The following HEATR4 variants were observed in gnomAD, a reference collection of about 807,000 sequenced individuals.
HEATR4 encodes HEAT repeat-containing protein 4.
HEATR4 carries 95 observed loss-of-function variants against 108.8 expected under a neutral mutation model. The ratio of observed to expected loss-of-function variants is 0.87; its 90% confidence interval spans 0.74 to 1.04. HEATR4 has a LOEUF of 1.04. HEATR4 is among the 50% of genes least tolerant of loss of function. HEATR4 has a pLI of 0.00. For synonymous variants in HEATR4, 443 were observed against 459.4 expected (o/e 0.96, Z 0.46); for missense variants, 1,152 against 1,253.8 (o/e 0.92, Z 1.23).
the HEATR4 span, among the ~76,000 whole-genome samples, chr14:73,588,575 T>TG: frequency 1.1e-4 from 16 of 152,176 alleles, no homozygotes; most frequent in Non-Finnish European, 2.2e-4. Context: ...ATATGTGACT[T>TG]GGACCTTTCT....
chr14:73,576,825 A>G, the HEATR4 span, among the ~76,000 whole-genome samples: 1 of 148,274 alleles, frequency 6.7e-6, no homozygotes, highest in Non-Finnish European at 1.5e-5. Flanking sequence ...AAAAAAGACA[A>G]TATTTATATC....
chr14:73,573,757 T>C, the HEATR4 span, among the ~76,000 whole-genome samples: 21,637 of 151,504 alleles, frequency 0.14, 2,331 homozygotes, highest in Non-Finnish European at 0.22. Context: ...AGATGGAGTC[T>C]CACTCTGTTG....
At chr14:73,480,511 T>C (rs1885207717) in intron 17 of HEATR4, among the ~76,000 whole-genome samples, 1 of 152,082 alleles carries the variant, frequency 6.6e-6, no homozygotes, top group Non-Finnish European at 1.5e-5. Context: ...TTTATTCTTA[T>C]ATTTGTTATA....
the HEATR4 span, chr14:73,569,977 C>CT: frequency 6.9e-7 from 1 of 1,459,314 alleles, no homozygotes; most frequent in Non-Finnish European, 9.0e-7. Context: ...TATGCCCCCC[C>CT]GCCGCGCCCC....
upstream of HEATR4, among the ~76,000 whole-genome samples, chr14:73,559,385 CT>C (rs368818127): frequency 6.6e-6 from 1 of 151,832 alleles, no homozygotes; most frequent in East Asian, 2.0e-4. Flanking sequence ...TCCCAAAGTG[CT>C]GGGATTTGCA....
At chr14:73,491,778 A>G (rs1188339428) in intron 17 of HEATR4, 1 of 1,576,538 alleles carries the variant, frequency 6.3e-7, no homozygotes, top group Non-Finnish European at 8.6e-7. Flanking sequence ...CTGCGCAACG[A>G]GGAGGTGCAG....
chr14:73,601,393 A>G, the HEATR4 span, among the ~76,000 whole-genome samples: 6 of 152,056 alleles, frequency 3.9e-5, no homozygotes. Context: ...GTGAAACCCT[A>G]TCTCTACTAA....
At chr14:73,604,734 A>G in the HEATR4 span, among the ~76,000 whole-genome samples, 4 of 151,938 alleles carry the variant, frequency 2.6e-5, no homozygotes, top group South Asian at 6.2e-4. Context: ...ATGATCCACC[A>G]GCCTTGGCCT....
At chr14:73,607,759 G>T in the HEATR4 span, among the ~76,000 whole-genome samples, 1 of 151,984 alleles carries the variant, frequency 6.6e-6, no homozygotes, top group Non-Finnish European at 1.5e-5. Flanking sequence ...AAGTAGCTGG[G>T]ATTACAGGCA....
chr14:73,574,418 C>G, the HEATR4 span: 1 of 242,822 alleles, frequency 4.1e-6, no homozygotes, highest in African/African-American at 2.3e-5. Flanking sequence ...GCACGTGCCA[C>G]TACTGCCCGG....
chr14:73,588,460 G>T, the HEATR4 span, among the ~76,000 whole-genome samples: 1 of 152,124 alleles, frequency 6.6e-6, no homozygotes, highest in East Asian at 1.9e-4. Context: ...CTCTCCCCCT[G>T]CAGCTATGGG....
chr14:73,587,750 C>T, the HEATR4 span, among the ~76,000 whole-genome samples: 1 of 152,146 alleles, frequency 6.6e-6, no homozygotes, highest in African/African-American at 2.4e-5. Flanking sequence ...ATTTATCTCC[C>T]CTGACTTGTT....
At chr14:73,631,103 CAT>C in the HEATR4 span, among the ~76,000 whole-genome samples, 1 of 152,122 alleles carries the variant, frequency 6.6e-6, no homozygotes, top group African/African-American at 2.4e-5. Context: ...AAATATGACA[CAT>C]GACAATTATT....
At chr14:73,603,563 C>T in the HEATR4 span, among the ~76,000 whole-genome samples, 2 of 152,006 alleles carry the variant, frequency 1.3e-5, no homozygotes, top group Non-Finnish European at 2.9e-5. Context: ...CCATGTTAGC[C>T]AGGATGGTCT....
upstream of HEATR4, among the ~76,000 whole-genome samples, chr14:73,563,236 G>A (rs566236721): frequency 3.7e-4 from 56 of 152,040 alleles, no homozygotes; most frequent in African/African-American, 9.2e-4. Flanking sequence ...AGGAACCTAC[G>A]TTGAAATATT....
intron 2 of HEATR4, among the ~76,000 whole-genome samples, chr14:73,528,031 C>T (rs35067250): frequency 0.28 from 41,297 of 147,764 alleles, 5,967 homozygotes; most frequent in Admixed American, 0.34. Flanking sequence ...TAGCCTGTGA[C>T]GTAAAGAATC....
chr14:73,573,286 G>A, the HEATR4 span: 5 of 1,528,756 alleles, frequency 3.3e-6, no homozygotes, highest in Admixed American at 8.4e-5. Context: ...ACCTAGGAGT[G>A]GGATTGCTGG....
chr14:73,535,978 G>A lies in HEATR4; in HGVS notation c.-151-5734C>T, dbSNP rs754656627. ...TAATTTACTACTACGGTTCTTGTAAGTATTAACAATTAGCTACTATTATTT... is the reference window on the plus strand; with the variant it reads ...TAATTTACTACTACGGTTCTTGTAAATATTAACAATTAGCTACTATTATTT... On this transcript the variant is annotated intron_variant, in intron 1 of 17. Coordinates refer to ENST00000553558, the MANE Select transcript of HEATR4 (RefSeq NM_001220484.1). Among the ~76,000 whole-genome samples the A allele has an allele frequency of 1.9e-4, 22 of 115,776 alleles. 6 individuals carry two copies. The highest frequency in any genetic ancestry group is 4.1e-4 in the Non-Finnish European group (22 of 53,184). 76.0% of individuals were successfully genotyped at this position (115,776 alleles called of 152,430 possible).
intron 1 of HEATR4, among the ~76,000 whole-genome samples, chr14:73,549,018 T>C (rs193223313): frequency 3.6e-5 from 4 of 112,476 alleles, no homozygotes; most frequent in Non-Finnish European, 7.7e-5. Flanking sequence ...AAATGTCTTA[T>C]ACCGGGTAAT....
Sources: gnomAD v4.1 joint callset for allele counts (sites outside exome capture counted in the v4.1 genomes callset) on GRCh38, gnomAD v4.1.1 for gene constraint, MANE v1.5 for transcripts, NCBI Gene and HGNC (gene_info 2026-07-23, HGNC 2026-07-21) for gene names.